Variants in TTC6 observed in about 807,000 individuals in gnomAD.
The protein encoded by TTC6 is tetratricopeptide repeat domain 6.
Under a neutral mutation model 210.4 loss-of-function variants are expected in TTC6, and 172 were observed. The observed-to-expected ratio is 0.82, with a 90% CI of 0.72 to 0.93. The LOEUF (loss-of-function observed/expected upper bound fraction) is 0.93. TTC6 is among the 40% of genes least tolerant of loss of function. The probability of loss-of-function intolerance (pLI) is 0.00; values close to 1 mark genes in which losing one functional copy is unlikely to be tolerated. For missense variants in TTC6, 2,414 were observed against 2,318.1 expected (o/e 1.04, Z -0.85); for synonymous variants, 804 against 819.6 (o/e 0.98, Z 0.32).
chr14:37,705,326 T>A (rs2095833324), intron 5 of TTC6, among the ~76,000 whole-genome samples: 1 of 152,148 alleles, frequency 6.6e-6, no homozygotes, highest in Non-Finnish European at 1.5e-5. Context: ...TTAATTTCAT[T>A]TTTGATTATT....
chr14:37,625,474 G>A (rs1349216892), intron 1 of TTC6, among the ~76,000 whole-genome samples: 2 of 151,886 alleles, frequency 1.3e-5, no homozygotes, highest in African/African-American at 2.4e-5. Context: ...CTTGAACCCG[G>A]GAGGCGGAGG....
At position 37,780,108 on chromosome 14, in the gene TTC6, C is replaced by A. The variant is rs575023914; in HGVS notation, c.3267-7360C>A. On this transcript the variant is annotated intron_variant, in intron 14 of 30. Transcript: ENST00000553443. ...CACAGAATATTACAAAAGGTTTATTCTGTAAAATTTTAAGTTCAGAAACAT... is the reference window on the plus strand; with the variant it reads ...CACAGAATATTACAAAAGGTTTATTATGTAAAATTTTAAGTTCAGAAACAT... Among the ~76,000 whole-genome samples the A allele has an allele frequency of 2.5e-3, 386 of 152,158 alleles. 1 individual carries two copies. The highest frequency in any genetic ancestry group is 8.7e-3 in the African/African-American group (361 of 41,510).
intron 15 of TTC6, among the ~76,000 whole-genome samples, chr14:37,789,886 A>T (rs1253330293): frequency 1.3e-5 from 2 of 152,078 alleles, no homozygotes; most frequent in African/African-American, 4.8e-5. Context: ...TGCAAACATT[A>T]TGCATATTTT....
At chr14:37,796,787 G>T (rs751209441) in exon 20 of TTC6, 1 of 1,594,282 alleles carries the variant, frequency 6.3e-7, no homozygotes, top group Non-Finnish European at 8.5e-7. Flanking sequence ...TCCCTTTTAG[G>T]TCTCAGTGAG....
chr14:37,724,847 C>T, intron 6 of TTC6, 51 bp from the exon 9 acceptor site: 1 of 1,143,994 alleles, frequency 8.7e-7, no homozygotes, highest in Non-Finnish European at 1.2e-6. Flanking sequence ...AGTTTTTACT[C>T]TCAAGGCCAT....
intron 17 of TTC6, among the ~76,000 whole-genome samples, chr14:37,794,240 G>A (rs1009690961): frequency 6.6e-6 from 1 of 152,164 alleles, no homozygotes; most frequent in African/African-American, 2.4e-5. Flanking sequence ...CAGGCATGAA[G>A]TTCCACAGAA....
chr14:37,614,644 G>T (rs1447163101), intron 2 of TTC6, among the ~76,000 whole-genome samples: 18 of 141,618 alleles, frequency 1.3e-4, no homozygotes, highest in African/African-American at 3.6e-4. Flanking sequence ...ATTCTCTTAG[G>T]TTTTTTTTTT....
In TTC6 at chr14:37,598,043, A is replaced by G. The variant is rs34242177; in HGVS notation, c.-235+2035A>G. On this transcript the variant is annotated intron_variant, in intron 1 of 2. Coordinates refer to the TTC6 transcript ENST00000556845. The surrounding 1 kb of genome is among the most constrained non-coding windows in gnomAD (Gnocchi z 4.9). ...TTGGGTCTTTGACTTGGAAATGCATACATACATACATAAAGTAATGCTGCT... is the reference window on the plus strand; with the variant it reads ...TTGGGTCTTTGACTTGGAAATGCATGCATACATACATAAAGTAATGCTGCT... Among the ~76,000 whole-genome samples the G allele has an allele frequency of 0.061, 9,210 of 152,210 alleles. 404 individuals are homozygous for G. The highest frequency in any genetic ancestry group is 0.091 in the Non-Finnish European group (6,178 of 67,976).
intron 12 of TTC6, among the ~76,000 whole-genome samples, chr14:37,750,207 G>A (rs2095947632): frequency 6.6e-6 from 1 of 152,062 alleles, no homozygotes; most frequent in Non-Finnish European, 1.5e-5. Context: ...TGTGCGCCTA[G>A]GATTACTTGG....
intron 14 of TTC6, among the ~76,000 whole-genome samples, chr14:37,767,445 A>G (rs1158143508): frequency 6.6e-6 from 1 of 152,162 alleles, no homozygotes. Context: ...ATTTCTCCAT[A>G]TCCTCTCCAG....
At chr14:37,819,395 A>G (rs980275917) in intron 26 of TTC6, among the ~76,000 whole-genome samples, 1 of 152,178 alleles carries the variant, frequency 6.6e-6, no homozygotes, top group South Asian at 2.1e-4. Flanking sequence ...AAAATTCTTT[A>G]AATAAATAAA....
chr14:37,684,085 C>CT (rs1306988848), intron 3 of TTC6, among the ~76,000 whole-genome samples: 2 of 152,126 alleles, frequency 1.3e-5, no homozygotes, highest in African/African-American at 4.8e-5. Context: ...ACTCCCAACT[C>CT]TGAAACCTGG....
In TTC6 at chr14:37,738,696, G is replaced by A; in HGVS notation, c.1984-80G>A. 4.3e-6 allele frequency: 5 copies of A among 1,159,456 alleles called. No homozygotes were observed. The Admixed American group carries it at 1.0e-4, about 23-fold the overall frequency. 71.8% of individuals were successfully genotyped at this position (1,159,456 alleles called of 1,614,324 possible). On this transcript the variant is annotated intron_variant, in intron 9 of 30. Coordinates refer to ENST00000553443, the Ensembl canonical transcript of TTC6. Reference sequence around the variant, plus strand: ...TGACCAAACCACATTAATAGTAATTGTAACAGAATTAATTAATTTTGAATG... The same window carrying A: ...TGACCAAACCACATTAATAGTAATTATAACAGAATTAATTAATTTTGAATG...
In TTC6 at chr14:37,759,783, G is replaced by C. The variant is rs376111312; in HGVS notation, c.3266+6548G>C. Among the ~76,000 whole-genome samples, 10 of 152,058 alleles carry C rather than the reference G, an allele frequency of 6.6e-5. No homozygotes were observed. In the East Asian group the frequency reaches 1.5e-3, roughly 24 times the overall value. On this transcript the variant is annotated intron_variant, in intron 14 of 30. Coordinates refer to ENST00000553443, the Ensembl canonical transcript of TTC6. The stretch of plus-strand genomic sequence containing the variant: ...ATGTCTGATATCCTTTTTTCTACTT[G>C]ATTGATTTGGCTATTGATACTTGTG...
chr14:37,755,077 C>G (rs1368462801), intron 14 of TTC6, among the ~76,000 whole-genome samples: 1 of 152,142 alleles, frequency 6.6e-6, no homozygotes, highest in Non-Finnish European at 1.5e-5. Flanking sequence ...CTGTTGTTAC[C>G]TGACTTTTTA....
rs2095815747 is a variant in TTC6, at chr14:37,696,819, A to T, written c.1360A>T (p.Lys454Ter). The change falls in exon 4 of 31, where the codon AAA becomes TAA. Residue 454 changes from lysine to a stop codon, truncating the protein, a stop_gained. Transcript: ENST00000553443. LOFTEE classifies it high-confidence loss of function. ...AAAGTCTTCAAAACCTCTTTGTGAT[A>T]AAAAACTACATAAAAAGTAATTTTC... 1 of 1,379,328 alleles carries T rather than the reference A, an allele frequency of 7.2e-7. No individual in the cohort carries two copies. Among genetic ancestry groups the T allele is most frequent in the Non-Finnish European group, 9.4e-7 (1 of 1,060,656 alleles). 85.4% of individuals were successfully genotyped at this position (1,379,328 alleles called of 1,614,324 possible). A position where few individuals can be genotyped will look rare whatever the true frequency, so the allele number is the denominator to read the frequency against.
intron 10 of TTC6, among the ~76,000 whole-genome samples, chr14:37,742,534 C>T (rs112145522): frequency 0.041 from 6,152 of 151,842 alleles, 266 homozygotes; most frequent in African/African-American, 0.11. Context: ...TTCATCATCT[C>T]AAGTAGCTGG....
At chr14:37,639,401 C>T (rs927982483) in intron 1 of TTC6, among the ~76,000 whole-genome samples, 7 of 152,050 alleles carry the variant, frequency 4.6e-5, no homozygotes, top group South Asian at 2.1e-4. Flanking sequence ...CAGTTTTTGT[C>T]GTCCTCATAG....
intron 1 of TTC6, among the ~76,000 whole-genome samples, chr14:37,673,622 G>A (rs2095762823): frequency 2.0e-5 from 3 of 152,050 alleles, no homozygotes; most frequent in East Asian, 3.9e-4. Context: ...GGAACACTGC[G>A]GCTTCTGTTG....
Sources: gnomAD v4.1 joint callset for allele counts (sites outside exome capture counted in the v4.1 genomes callset) on GRCh38, gnomAD v4.1.1 for gene constraint, Gnocchi (gnomAD v3.1) non-coding constraint, MANE v1.5 for transcripts, NCBI Gene and HGNC (gene_info 2026-07-23, HGNC 2026-07-21) for gene names.